The following GNAI2 variants were observed in gnomAD, a reference collection of about 807,000 sequenced individuals.
The protein encoded by GNAI2 is G protein subunit alpha i2, also known as guanine nucleotide-binding protein G(i) subunit alpha-2.
In GNAI2, 4 loss-of-function variants were observed where a neutral mutation model predicts 36.8. The observed-to-expected ratio is 0.11, with a 90% CI of 0.05 to 0.25. The LOEUF (loss-of-function observed/expected upper bound fraction) is 0.25. Among genes scored for constraint, GNAI2 ranks in the 10% least tolerant of loss-of-function variants. GNAI2 has a pLI of 1.00. For missense variants in GNAI2, 230 were observed against 481.3 expected (o/e 0.48, Z 4.89); for synonymous variants, 194 against 194.1 (o/e 1.00, Z 0.01).
chr3:50,238,975 G>A lies in GNAI2; in HGVS notation c.118+2522G>A, dbSNP rs1553700700. Among the ~76,000 whole-genome samples, 1 of 152,244 alleles carries A rather than the reference G, an allele frequency of 6.6e-6. No individual in the cohort carries two copies. Among genetic ancestry groups the A allele is most frequent in the African/African-American group, 2.4e-5 (1 of 41,464 alleles). ...CTGCCAGCAGGCAGGCACAGTCCTT[G>A]TCACCAGGGCAGAGGCTGATGTGGT... is the stretch of plus-strand genomic sequence containing the variant. On this transcript the variant is annotated intron_variant, in intron 1 of 8. Coordinates refer to ENST00000313601, the MANE Select transcript of GNAI2 (RefSeq NM_002070.4). The surrounding 1 kb of genome is among the most constrained non-coding windows in gnomAD (Gnocchi z 5.0).
rs1553702571 is a variant in GNAI2 at position 50,252,233 on chromosome 3, A to T, written c.161+91A>T. On this transcript the variant is annotated intron_variant, in intron 2 of 8. Transcript: ENST00000313601. This position sits in a 1 kb window ranked among gnomAD's most constrained non-coding sequence, Gnocchi z 4.1. Reference sequence around the variant, plus strand: ...ACTGCCCCCGACTACAGGCCCAGCCAGTCTTAGCCAGGCCCAGAATCTTCT... The same window carrying T: ...ACTGCCCCCGACTACAGGCCCAGCCTGTCTTAGCCAGGCCCAGAATCTTCT... 3 of 1,438,922 alleles carry T rather than the reference A, an allele frequency of 2.1e-6. No homozygotes were observed. The highest frequency in any genetic ancestry group is 2.9e-6 in the Non-Finnish European group (3 of 1,026,222). 89.1% of individuals were successfully genotyped at this position (1,438,922 alleles called of 1,614,324 possible). A position where few individuals can be genotyped will look rare whatever the true frequency, so the allele number is the denominator to read the frequency against.
chr3:50,227,743 T>C (rs969552084), upstream of GNAI2, among the ~76,000 whole-genome samples: 4 of 151,828 alleles, frequency 2.6e-5, no homozygotes, highest in African/African-American at 9.7e-5. This position sits in a 1 kb window ranked among gnomAD's most constrained non-coding sequence, Gnocchi z 5.9. Flanking sequence ...AAATAAGAAT[T>C]AGGGAGGGGC....
chr3:50,256,885 C>T (rs782493369), intron 6 of GNAI2, 33 bp downstream of exon 6: 1 of 1,613,736 alleles, frequency 6.2e-7, no homozygotes, highest in Non-Finnish European at 8.5e-7. Flanking sequence ...CGGGTGGGGG[C>T]AGCGGGCTTG....
intron 1 of GNAI2, among the ~76,000 whole-genome samples, chr3:50,243,869 G>A (rs587642206): frequency 2.6e-5 from 4 of 152,204 alleles, no homozygotes; most frequent in South Asian, 4.1e-4. Flanking sequence ...GTGTGGGTGC[G>A]TGTGTGTTCT....
Position 50,255,867 on chromosome 3 carries a change from A to G in GNAI2, c.465-325A>G, listed in dbSNP as rs1242314015. 6.6e-6 allele frequency among the ~76,000 whole-genome samples: 1 copy of G among 151,990 alleles called. No homozygotes were observed. The highest frequency in any genetic ancestry group is 2.4e-5 in the African/African-American group (1 of 41,386). On this transcript the variant is annotated intron_variant, in intron 4 of 8. Transcript: ENST00000313601. The surrounding 1 kb of genome is among the most constrained non-coding windows in gnomAD (Gnocchi z 4.0). ...AGAGGTCAAGACCATCCTGGCCAACATGGTGAAACCCCGTCTCTACTAAAA... is the reference window on the plus strand; with the variant it reads ...AGAGGTCAAGACCATCCTGGCCAACGTGGTGAAACCCCGTCTCTACTAAAA...
chr3:50,253,463 G>A lies in GNAI2; in HGVS notation c.464+279G>A, dbSNP rs587745409. 3.4e-4 allele frequency among the ~76,000 whole-genome samples: 52 copies of A among 152,246 alleles called. 1 individual carries two copies. The highest frequency in any genetic ancestry group is 2.2e-3 in the Admixed American group (33 of 15,284). On this transcript the variant is annotated intron_variant, in intron 4 of 8. Transcript: ENST00000313601. The surrounding 1 kb of genome is among the most constrained non-coding windows in gnomAD (Gnocchi z 4.2). ...TGACAGTCTTCTAAAGAACATTTGCGGCCGGGCGTGGTGGCTCACGCCTGT... is the reference window on the plus strand; with the variant it reads ...TGACAGTCTTCTAAAGAACATTTGCAGCCGGGCGTGGTGGCTCACGCCTGT...
Position 50,236,356 on chromosome 3 carries a change from C to G in GNAI2, c.21C>G (p.Ala7=), listed in dbSNP as rs1329028057. ...GCGGGATGGGCTGCACCGTGAGCGC[C>G]GAGGACAAGGCGGCGGCCGAGCGCT... MGCTVS[A]EDKAAAERSK... is the part of the protein sequence containing the mutation. Residue 7 remains alanine (A), a synonymous_variant, in exon 1 of 9, where the codon GCC becomes GCG. Coordinates refer to ENST00000313601, the MANE Select transcript of GNAI2 (RefSeq NM_002070.4). This position sits in a 1 kb window ranked among gnomAD's most constrained non-coding sequence, Gnocchi z 4.0. The G allele has an allele frequency of 3.3e-6, 5 of 1,530,032 alleles. No homozygotes were observed. The highest frequency in any genetic ancestry group is 5.4e-5 in the East Asian group (2 of 36,988). 94.8% of individuals were successfully genotyped at this position (1,530,032 alleles called of 1,614,324 possible). A position where few individuals can be genotyped will look rare whatever the true frequency, so the allele number is the denominator to read the frequency against.
Position 50,252,859 on chromosome 3 carries a change from G to C in GNAI2, c.304-165G>C, listed in dbSNP as rs1240026248. ...AGCCTTGGTGACAGAGCTAGACTCC[G>C]TCACAGAAAAAAGTAAACAACAACA... On this transcript the variant is annotated intron_variant, in intron 3 of 8. Coordinates refer to ENST00000313601, the MANE Select transcript of GNAI2 (RefSeq NM_002070.4). This position sits in a 1 kb window ranked among gnomAD's most constrained non-coding sequence, Gnocchi z 4.1. Among the ~76,000 whole-genome samples the C allele has an allele frequency of 6.6e-6, 1 of 152,144 alleles. No individual in the cohort carries two copies. Among genetic ancestry groups the C allele is most frequent in the Non-Finnish European group, 1.5e-5 (1 of 68,024 alleles).
chr3:50,235,638 A>C (rs1378867805), upstream of GNAI2, among the ~76,000 whole-genome samples: 3 of 151,306 alleles, frequency 2.0e-5, no homozygotes, highest in African/African-American at 7.3e-5. Flanking sequence ...TCCTTTTTCG[A>C]CTAGCTGCAA....
exon 1 of GNAI2, chr3:50,230,884 ACT>A (rs1169905766): frequency 7.1e-6 from 7 of 984,524 alleles, no homozygotes; most frequent in Non-Finnish European, 8.4e-6. Flanking sequence ...TCCTGAAAGG[ACT>A]CCTGGATTCC....
chr3:50,258,591 G>A lies in GNAI2; in HGVS notation c.*248G>A. 2 of 197,614 alleles carry A rather than the reference G, an allele frequency of 1.0e-5. No individual in the cohort carries two copies. Among genetic ancestry groups the A allele is most frequent in the Non-Finnish European group, 2.1e-5 (2 of 93,832 alleles). The allele number at this position is 197,614 out of a possible 1,614,324, so 12.2% of individuals were successfully genotyped here. ...TAATGGCCATGGTACCCCCTTCTGG[G>A]CATCTGTTCTGGTTTTTAACCATTG... is the stretch of plus-strand genomic sequence containing the variant. On this transcript the variant is annotated 3_prime_UTR_variant, in exon 9 of 9. Transcript: ENST00000313601.
In GNAI2 at chr3:50,252,524, G is replaced by A. The variant is rs782148570; in HGVS notation, c.289G>A (p.Asp97Asn). The change falls in exon 3 of 9, where the codon GAC (aspartate) becomes AAC (asparagine). Residue 97 changes from aspartate (D) to asparagine (N), a missense_variant. Asp to Asn is a conservative substitution (Grantham distance 23). This residue lies in a region of GNAI2 where 132 missense variants were observed against 247.4 expected (regional missense o/e 0.53). Transcript: ENST00000313601. This position sits in a 1 kb window ranked among gnomAD's most constrained non-coding sequence, Gnocchi z 4.1. ...GGGCAACCTGCAGATCGACTTTGCCGACCCCTCCAGAGCGGTATGTGCCCT... is the reference window on the plus strand; with the variant it reads ...GGGCAACCTGCAGATCGACTTTGCCAACCCCTCCAGAGCGGTATGTGCCCT... ...AMGNLQIDFA[D>N]PSRADDARQL... 3.9e-5 allele frequency: 63 copies of A among 1,612,876 alleles called. No homozygotes were observed. The highest frequency in any genetic ancestry group is 1.6e-4 in the Middle Eastern group (1 of 6,072).
rs1700325159 is a variant in GNAI2 at position 50,242,761 on chromosome 3, C to T, written c.118+6308C>T. Among the ~76,000 whole-genome samples, 1 of 152,202 alleles carries T rather than the reference C, an allele frequency of 6.6e-6. No homozygotes were observed. Among genetic ancestry groups the T allele is most frequent in the Non-Finnish European group, 1.5e-5 (1 of 68,042 alleles). On this transcript the variant is annotated intron_variant, in intron 1 of 8. Coordinates refer to ENST00000313601, the MANE Select transcript of GNAI2 (RefSeq NM_002070.4). The surrounding 1 kb of genome is among the most constrained non-coding windows in gnomAD (Gnocchi z 4.8). ...TTACAAGGCTTGAAAGGCAGCACCA[C>T]ACCAGTCTGAGCAAAGGCCTAAAGG...
Position 50,238,199 on chromosome 3 carries a change from G to C in GNAI2, c.118+1746G>C, listed in dbSNP as rs1700225947. ...CTGCTGCCCGACGGGCCTGGGGAGG[G>C]CACTTCCGGTACCGCTGCCTCCCAG... On this transcript the variant is annotated intron_variant, in intron 1 of 8. Coordinates refer to ENST00000313601, the MANE Select transcript of GNAI2 (RefSeq NM_002070.4). This position sits in a 1 kb window ranked among gnomAD's most constrained non-coding sequence, Gnocchi z 5.0. 6.6e-6 allele frequency: 1 copy of C among 152,220 alleles called. No homozygotes were observed. Among genetic ancestry groups the C allele is most frequent in the Admixed American group, 6.5e-5 (1 of 15,290 alleles). 9.4% of individuals were successfully genotyped at this position (152,220 alleles called of 1,614,324 possible). A position where few individuals can be genotyped will look rare whatever the true frequency, so the allele number is the denominator to read the frequency against.
chr3:50,231,321 C>T (rs1209106181), upstream of GNAI2, among the ~76,000 whole-genome samples: 2 of 152,228 alleles, frequency 1.3e-5, no homozygotes, highest in Non-Finnish European at 2.9e-5. Context: ...CCTCTGTTGC[C>T]GGGCTGGAGG....
In GNAI2 at chr3:50,236,314, G is replaced by A. The variant is rs1344304242; in HGVS notation, c.-22G>A. ...GTGGGCCGTGTGGGGGCCGGGCGGC[G>A]GCCGGGCCGGCGGACGGCGGGATGG... On this transcript the variant is annotated 5_prime_UTR_variant, in exon 1 of 9. Transcript: ENST00000313601. This position sits in a 1 kb window ranked among gnomAD's most constrained non-coding sequence, Gnocchi z 4.0. 1 of 1,365,294 alleles carries A rather than the reference G, an allele frequency of 7.3e-7. No individual in the cohort carries two copies. The highest frequency in any genetic ancestry group is 1.5e-5 in the African/African-American group (1 of 64,836). 84.6% of individuals were successfully genotyped at this position (1,365,294 alleles called of 1,614,324 possible).
rs1575455500 is a variant in GNAI2, at chr3:50,255,629, G to T, written c.465-563G>T. Among the ~76,000 whole-genome samples the T allele has an allele frequency of 6.6e-6, 1 of 152,216 alleles. No homozygotes were observed. The highest frequency in any genetic ancestry group is 1.9e-4 in the East Asian group (1 of 5,186). Reference sequence around the variant, plus strand: ...GCTCAGACCCTGGGTGCTGGAGCTTGGCTGGCTAGCTGTCCACAGAGCTGC... The same window carrying T: ...GCTCAGACCCTGGGTGCTGGAGCTTTGCTGGCTAGCTGTCCACAGAGCTGC... On this transcript the variant is annotated intron_variant, in intron 4 of 8. Coordinates refer to ENST00000313601, the MANE Select transcript of GNAI2 (RefSeq NM_002070.4). This position sits in a 1 kb window ranked among gnomAD's most constrained non-coding sequence, Gnocchi z 4.0.
At chr3:50,232,898 T>G (rs1575434912), upstream of GNAI2, among the ~76,000 whole-genome samples, 1 of 149,950 alleles carries the variant, frequency 6.7e-6, no homozygotes, top group Non-Finnish European at 1.5e-5. Flanking sequence ...GGGGGGATCA[T>G]GAAGTGGTGG....
rs141675088 is a variant in GNAI2 at position 50,257,190 on chromosome 3, G to C, written c.877+100G>C. 3.4e-4 allele frequency: 342 copies of C among 1,013,768 alleles called. 1 individual carries two copies. In the East Asian group the frequency reaches 8.1e-3, roughly 24 times the overall value. 62.8% of individuals were successfully genotyped at this position (1,013,768 alleles called of 1,614,324 possible). A position where few individuals can be genotyped will look rare whatever the true frequency, so the allele number is the denominator to read the frequency against. On this transcript the variant is annotated intron_variant, in intron 7 of 8. Transcript: ENST00000313601. Reference sequence around the variant, plus strand: ...CTCAGGCGCCCCCCACTGGACAGAAGTGTAACCTTGGAACACTGGCAGGGG... The same window carrying C: ...CTCAGGCGCCCCCCACTGGACAGAACTGTAACCTTGGAACACTGGCAGGGG...
Sources: gnomAD v4.1 joint callset for allele counts (sites outside exome capture counted in the v4.1 genomes callset) on GRCh38, gnomAD v4.1.1 for gene constraint, gnomAD v4.1.1 regional missense constraint, Gnocchi (gnomAD v3.1) non-coding constraint, MANE v1.5 for transcripts, NCBI Gene and HGNC (gene_info 2026-07-23, HGNC 2026-07-21) for gene names.